Variants in FAM149B1 observed in about 807,000 individuals in gnomAD.
FAM149B1 encodes the protein primary cilium assembly protein FAM149B1.
A neutral mutation model predicts 75.3 loss-of-function variants in FAM149B1; 56 were observed. The observed-to-expected ratio is 0.74, with a 90% CI of 0.60 to 0.93. The LOEUF is 0.93. FAM149B1 is among the 40% of genes least tolerant of loss of function. FAM149B1 has a pLI of 0.00. For synonymous variants in FAM149B1, 259 were observed against 256.1 expected (o/e 1.01, Z -0.11); for missense variants, 639 against 708.4 (o/e 0.90, Z 1.11).
chr10:73,234,973 T>C, intron 11 of FAM149B1, 33 bp downstream of exon 11: 1 of 1,549,310 alleles, frequency 6.5e-7, no homozygotes, highest in Middle Eastern at 1.7e-4. Flanking sequence ...CTCCATGTAC[T>C]TACCATACAA....
At chr10:73,213,056 G>A (rs997588081) in intron 7 of FAM149B1, among the ~76,000 whole-genome samples, 1 of 151,874 alleles carries the variant, frequency 6.6e-6, no homozygotes, top group African/African-American at 2.4e-5. Context: ...CATGTTGCCT[G>A]GGCTGGTCTC....
At chr10:73,232,827 C>T in intron 9 of FAM149B1, 112 bp from the exon 10 acceptor site, 3 of 653,824 alleles carry the variant, frequency 4.6e-6, no homozygotes, top group Admixed American at 2.7e-5. Flanking sequence ...TTTATTTTTG[C>T]TTTATTTCCC....
Position 73,168,350 on chromosome 10 carries a change from G to A in FAM149B1, c.11G>A (p.Arg4Lys). 3 of 1,550,002 alleles carry A rather than the reference G, an allele frequency of 1.9e-6. No individual in the cohort carries two copies. The highest frequency in any genetic ancestry group is 2.6e-6 in the Non-Finnish European group (3 of 1,146,840). MIS[R>K]YTRKAVPQSL... ...AGGAGGAGGAGGAGGATGATCTCCAGATACACTCGGAAGGCGGTGCCACAG... is the reference window on the plus strand; with the variant it reads ...AGGAGGAGGAGGAGGATGATCTCCAAATACACTCGGAAGGCGGTGCCACAG... Residue 4 changes from arginine (R) to lysine (K), a missense_variant, in exon 1 of 14, where the codon AGA (arginine) becomes AAA (lysine). Coordinates refer to ENST00000242505, the MANE Select transcript of FAM149B1 (RefSeq NM_173348.2).
intron 7 of FAM149B1, among the ~76,000 whole-genome samples, chr10:73,214,268 A>G (rs954977844): frequency 2.0e-5 from 3 of 152,134 alleles, no homozygotes; most frequent in Non-Finnish European, 4.4e-5. Context: ...AAACAGGGCA[A>G]TTTGCCTTCC....
chr10:73,230,251 T>C lies in FAM149B1; in HGVS notation c.1024-171T>C, dbSNP rs2043655169. On this transcript the variant is annotated intron_variant, in intron 8 of 13. Transcript: ENST00000242505. ...AGAGGAAAGGAGGGACCCTATCACA[T>C]GGACAGTTGACTTGGGGCCCCAGCT... The C allele has an allele frequency of 5.6e-6, 3 of 539,312 alleles. No homozygotes were observed. In the South Asian group the frequency reaches 6.2e-5, roughly 11 times the overall value. The allele number at this position is 539,312 out of a possible 1,614,324, so 33.4% of individuals were successfully genotyped here.
chr10:73,225,401 ATG>A (rs2043516989), intron 7 of FAM149B1, among the ~76,000 whole-genome samples: 1 of 152,206 alleles, frequency 6.6e-6, no homozygotes, highest in Non-Finnish European at 1.5e-5. Context: ...GCCTAGGCTA[ATG>A]TGTGTGTTTG....
chr10:73,202,402 C>T (rs1008882364), intron 5 of FAM149B1, among the ~76,000 whole-genome samples: 5 of 151,352 alleles, frequency 3.3e-5, no homozygotes, highest in South Asian at 2.1e-4. Context: ...TGGAATAATA[C>T]GATAGCAGAA....
chr10:73,200,137 T>A (rs113761236), intron 5 of FAM149B1: 94 of 175,490 alleles, frequency 5.4e-4, no homozygotes, highest in Non-Finnish European at 9.3e-4. Flanking sequence ...GAGACCAGCC[T>A]GGCCAACATG....
intron 5 of FAM149B1, among the ~76,000 whole-genome samples, chr10:73,194,012 T>A (rs1172917805): frequency 6.6e-6 from 1 of 152,102 alleles, no homozygotes; most frequent in Non-Finnish European, 1.5e-5. Flanking sequence ...CAACTCAGGT[T>A]TCTCTTTCTC....
Position 73,193,557 on chromosome 10 carries a change from A to T in FAM149B1, c.506A>T (p.Tyr169Phe). Residue 169 changes from tyrosine to phenylalanine, a missense_variant, in exon 5 of 14, where the codon TAT (tyrosine) becomes TTT (phenylalanine). Transcript: ENST00000242505. ...TCCCCTTCTGCTGTTTCCGCTTCAT[A>T]TGAAACAACCTTGTCTCAAGAAAGA... is the stretch of plus-strand genomic sequence containing the variant. ...PRSPSAVSAS[Y>F]ETTLSQERDS... The T allele has an allele frequency of 6.4e-7, 1 of 1,550,852 alleles. No homozygotes were observed. Among genetic ancestry groups the T allele is most frequent in the Non-Finnish European group, 8.7e-7 (1 of 1,146,484 alleles).
At chr10:73,210,882 C>G (rs560600580) in intron 7 of FAM149B1, among the ~76,000 whole-genome samples, 3 of 151,992 alleles carry the variant, frequency 2.0e-5, no homozygotes, top group East Asian at 1.9e-4. Context: ...ATGTTTTTCC[C>G]TAAATGTTTT....
Position 73,182,409 on chromosome 10 carries a change from G to A in FAM149B1, c.282+4434G>A, listed in dbSNP as rs147745348. Among the ~76,000 whole-genome samples, 382 of 152,070 alleles carry A rather than the reference G, an allele frequency of 2.5e-3. 1 individual carries two copies. Among genetic ancestry groups the A allele is most frequent in the African/African-American group, 8.7e-3 (363 of 41,492 alleles). ...GTATTTTTAGTAGAGACGGGGTTCT[G>A]CCTTGTTGGCCAGGCTGGTCTCGAA... On this transcript the variant is annotated intron_variant, in intron 3 of 13. Transcript: ENST00000242505.
chr10:73,243,494 T>C lies in FAM149B1; in HGVS notation c.*2475T>C. 6 of 1,614,188 alleles carry C rather than the reference T, an allele frequency of 3.7e-6. No individual in the cohort carries two copies. Among genetic ancestry groups the C allele is most frequent in the Non-Finnish European group, 5.1e-6 (6 of 1,180,032 alleles). On this transcript the variant is annotated 3_prime_UTR_variant, in exon 14 of 14. Coordinates refer to ENST00000242505, the MANE Select transcript of FAM149B1 (RefSeq NM_173348.2). The stretch of plus-strand genomic sequence containing the variant: ...CATCTGAGCCAGAAAATTGTCCATT[T>C]CCTTTTGCCGATCCTTTTGTCTGCT...
At position 73,244,129 on chromosome 10, in the gene FAM149B1, C is replaced by T. The variant is rs1589204658; in HGVS notation, c.*3110C>T. The T allele has an allele frequency of 1.8e-6, 1 of 566,270 alleles. No homozygotes were observed. The allele number at this position is 566,270 out of a possible 1,614,324, so 35.1% of individuals were successfully genotyped here. On this transcript the variant is annotated 3_prime_UTR_variant, in exon 14 of 14. Transcript: ENST00000242505. ...CAGTAGATCCTCTGATTCCAATTAC[C>T]ATTTGTTTTTTACCCAATTCTATTT...
chr10:73,231,518 G>A (rs1053281364), intron 9 of FAM149B1, among the ~76,000 whole-genome samples: 5 of 152,206 alleles, frequency 3.3e-5, no homozygotes, highest in African/African-American at 4.8e-5. Context: ...TCACCATAGT[G>A]TAAATGGATG....
intron 5 of FAM149B1, among the ~76,000 whole-genome samples, chr10:73,203,603 G>C (rs1315713169): frequency 1.3e-5 from 2 of 150,702 alleles, no homozygotes; most frequent in African/African-American, 4.9e-5. Flanking sequence ...AGTTGGGCTA[G>C]TTTCTATTTT....
Position 73,243,778 on chromosome 10 carries a change from C to T in FAM149B1, c.*2759C>T, listed in dbSNP as rs2043978538. ...AAAGAAGAAAACAAAATACAACATT[C>T]CAAAGAAAATATTAGCAGTAGGAAT... On this transcript the variant is annotated 3_prime_UTR_variant, in exon 14 of 14. Coordinates refer to ENST00000242505, the MANE Select transcript of FAM149B1 (RefSeq NM_173348.2). The T allele has an allele frequency of 7.0e-7, 1 of 1,435,302 alleles. No homozygotes were observed. Among genetic ancestry groups the T allele is most frequent in the Non-Finnish European group, 9.7e-7 (1 of 1,032,302 alleles). 88.9% of individuals were successfully genotyped at this position (1,435,302 alleles called of 1,614,324 possible).
intron 6 of FAM149B1, among the ~76,000 whole-genome samples, 183 bp downstream of exon 6, chr10:73,208,969 T>C (rs2043128415): frequency 6.6e-6 from 1 of 152,240 alleles, no homozygotes; most frequent in African/African-American, 2.4e-5. Context: ...TAGACTTCCT[T>C]GTGTATTTTA....
intron 13 of FAM149B1, 27 bp from the exon 14 acceptor site, chr10:73,240,919 C>T (rs752393376): frequency 6.6e-6 from 9 of 1,355,650 alleles, no homozygotes; most frequent in Non-Finnish European, 9.2e-6. Context: ...AGACTGTCTA[C>T]TAATGTTACT....
Sources: allele counts gnomAD v4.1 joint callset (sites outside exome capture counted in the v4.1 genomes callset), GRCh38; gene constraint gnomAD v4.1.1; transcripts MANE v1.5; gene names NCBI Gene and HGNC (gene_info 2026-07-23, HGNC 2026-07-21).